The following ASTN2 variants were observed in gnomAD, a reference collection of about 807,000 sequenced individuals.
The protein encoded by ASTN2 is astrotactin 2, also known as astrotactin-2.
Under a neutral mutation model 139.8 loss-of-function variants are expected in ASTN2, and 54 were observed. That is an observed-to-expected ratio of 0.39 (90% CI 0.31 to 0.48). The LOEUF (loss-of-function observed/expected upper bound fraction) is 0.48, where lower values mean the gene tolerates loss of function less well. ASTN2 is among the 20% of genes least tolerant of loss of function. The probability of loss-of-function intolerance (pLI) is 0.95; values close to 1 mark genes in which losing one functional copy is unlikely to be tolerated. For missense variants in ASTN2, 1,565 were observed against 1,725.1 expected, an observed-to-expected ratio of 0.91 and a Z score of 1.64; for synonymous variants, 756 against 719.5, an observed-to-expected ratio of 1.05 and a Z score of -0.81.
chr9:117,205,941 C>A (rs1266369197), intron 3 of ASTN2, among the ~76,000 whole-genome samples: 3 of 152,166 alleles, frequency 2.0e-5, no homozygotes, highest in Non-Finnish European at 4.4e-5. Flanking sequence ...GTGCTTATGT[C>A]CAAATAATCA....
At chr9:116,538,518 T>G (rs1412449304) in intron 19 of ASTN2, among the ~76,000 whole-genome samples, 1 of 152,212 alleles carries the variant, frequency 6.6e-6, no homozygotes, top group East Asian at 1.9e-4. Flanking sequence ...AAGGGGACTC[T>G]TGCTCTAGTT....
At chr9:116,515,535 T>C (rs995959340) in intron 19 of ASTN2, among the ~76,000 whole-genome samples, 3 of 152,120 alleles carry the variant, frequency 2.0e-5, no homozygotes, top group Non-Finnish European at 4.4e-5. Flanking sequence ...CAATAGATGG[T>C]TGGAGGCAGA....
At chr9:116,981,723 T>TA (rs1403007409) in intron 7 of ASTN2, among the ~76,000 whole-genome samples, 1 of 152,206 alleles carries the variant, frequency 6.6e-6, no homozygotes, top group Non-Finnish European at 1.5e-5. Flanking sequence ...CCAAGTTTTC[T>TA]AAAAATGAGA....
At chr9:117,396,552 G>A (rs961350787) in intron 1 of ASTN2, among the ~76,000 whole-genome samples, 4 of 151,974 alleles carry the variant, frequency 2.6e-5, no homozygotes, top group Non-Finnish European at 5.9e-5. Context: ...TATTTATGGG[G>A]TACATGAGAT....
intron 17 of ASTN2, among the ~76,000 whole-genome samples, chr9:116,639,840 A>G (rs1426453278): frequency 6.6e-6 from 1 of 152,214 alleles, no homozygotes; most frequent in African/African-American, 2.4e-5. Flanking sequence ...TCATGCTTCT[A>G]TTGAAAGGAG....
intron 12 of ASTN2, among the ~76,000 whole-genome samples, chr9:116,807,218 G>A (rs1257803173): frequency 6.6e-6 from 1 of 152,192 alleles, no homozygotes; most frequent in Non-Finnish European, 1.5e-5. Context: ...CAGGAACTCA[G>A]ATGGGAGAAG....
intron 5 of ASTN2, 36 bp from the exon 6 acceptor site, chr9:117,040,001 C>T: frequency 6.4e-7 from 1 of 1,562,896 alleles, no homozygotes; most frequent in African/African-American, 1.4e-5. Context: ...CACAAAATTC[C>T]ATGAGGTGAG....
chr9:117,211,077 G>T (rs1398557633), intron 3 of ASTN2, among the ~76,000 whole-genome samples: 1 of 149,542 alleles, frequency 6.7e-6, no homozygotes, highest in Non-Finnish European at 1.5e-5. Flanking sequence ...ACATAATAAA[G>T]GCCATATATG....
At chr9:116,728,536 G>T (rs183490352) in intron 15 of ASTN2, among the ~76,000 whole-genome samples, 1 of 152,092 alleles carries the variant, frequency 6.6e-6, no homozygotes, top group African/African-American at 2.4e-5. Context: ...AAAGGGATGG[G>T]GGTGTGGGGG....
intron 5 of ASTN2, among the ~76,000 whole-genome samples, chr9:117,048,710 A>G (rs1240340431): frequency 1.3e-5 from 2 of 152,170 alleles, no homozygotes; most frequent in African/African-American, 4.8e-5. Context: ...TTATTCTCAA[A>G]TATCTCATTA....
chr9:117,414,824 G>T lies in ASTN2; in HGVS notation c.115C>A (p.Leu39Met). 1 of 1,202,100 alleles carries T rather than the reference G, an allele frequency of 8.3e-7. No individual in the cohort carries two copies. Among genetic ancestry groups the T allele is most frequent in the Non-Finnish European group, 1.0e-6 (1 of 967,592 alleles). 74.5% of individuals were successfully genotyped at this position (1,202,100 alleles called of 1,614,324 possible). A position where few individuals can be genotyped will look rare whatever the true frequency, so the allele number is the denominator to read the frequency against. ...AGCGGCGGCGGCGGCAGCAGGAGCA[G>T]GAACAGCAGCAGCAGCGGCAGCAGT... ...PPLLPLLLLFLLLLPPPPLLA... is the reference protein window; with the variant it reads ...PPLLPLLLLFMLLLPPPPLLA... Residue 39 changes from leucine to methionine, a missense_variant, in exon 1 of 23, where the codon CTG becomes ATG. Transcript: ENST00000313400. This position sits in a 1 kb window ranked among gnomAD's most constrained non-coding sequence, Gnocchi z 4.2.
At chr9:116,874,054 G>A (rs1370819420) in intron 10 of ASTN2, among the ~76,000 whole-genome samples, 1 of 152,166 alleles carries the variant, frequency 6.6e-6, no homozygotes, top group Non-Finnish European at 1.5e-5. Flanking sequence ...GAAAAGAAAT[G>A]TACACACTCA....
chr9:116,873,533 G>C (rs1833218482), intron 10 of ASTN2, among the ~76,000 whole-genome samples: 1 of 125,100 alleles, frequency 8.0e-6, no homozygotes, highest in Admixed American at 7.8e-5. Flanking sequence ...ACATTCACAT[G>C]GGCTAATTAT....
At chr9:116,604,111 T>A (rs1306501191) in intron 19 of ASTN2, among the ~76,000 whole-genome samples, 1 of 152,202 alleles carries the variant, frequency 6.6e-6, no homozygotes, top group Admixed American at 6.5e-5. Flanking sequence ...CCTTGTTGAC[T>A]GCAAGTTCCA....
chr9:116,890,518 C>A (rs1201217853), intron 10 of ASTN2, among the ~76,000 whole-genome samples: 4 of 152,198 alleles, frequency 2.6e-5, no homozygotes, highest in African/African-American at 9.6e-5. Flanking sequence ...TGCCCCCTAA[C>A]CACGTTTAAA....
At chr9:117,207,685 C>T (rs1402935667) in intron 3 of ASTN2, among the ~76,000 whole-genome samples, 2 of 152,222 alleles carry the variant, frequency 1.3e-5, no homozygotes, top group Admixed American at 6.5e-5. Context: ...CTGGCAGGTA[C>T]GCCCCCAGGC....
intron 3 of ASTN2, among the ~76,000 whole-genome samples, chr9:117,144,182 C>A (rs115564774): frequency 0.025 from 3,855 of 152,238 alleles, 163 homozygotes; most frequent in African/African-American, 0.083. Context: ...GGGGTGGCAT[C>A]TGCAGGCCAG....
At chr9:117,177,326 G>C (rs1016850742) in intron 3 of ASTN2, among the ~76,000 whole-genome samples, 2 of 152,152 alleles carry the variant, frequency 1.3e-5, no homozygotes, top group African/African-American at 4.8e-5. Context: ...GAAGCTGAGG[G>C]ACAAATCAGT....
intron 10 of ASTN2, among the ~76,000 whole-genome samples, chr9:116,864,834 A>G (rs986435517): frequency 1.3e-5 from 2 of 151,212 alleles, no homozygotes; most frequent in African/African-American, 4.9e-5. Context: ...CAGGTTTGAA[A>G]CTCCTAATTC....
Sources: allele counts gnomAD v4.1 joint callset (sites outside exome capture counted in the v4.1 genomes callset), GRCh38; gene constraint gnomAD v4.1.1; non-coding constraint Gnocchi (gnomAD v3.1); transcripts MANE v1.5; gene names NCBI Gene and HGNC (gene_info 2026-07-23, HGNC 2026-07-21).